Variants in NAF1 observed in about 807,000 individuals in gnomAD.
The protein encoded by NAF1 is H/ACA ribonucleoprotein complex non-core subunit NAF1.
Under a neutral mutation model 40.6 loss-of-function variants are expected in NAF1, and 11 were observed. That is an observed-to-expected ratio of 0.27 (90% CI 0.17 to 0.45). The LOEUF (loss-of-function observed/expected upper bound fraction) is 0.45. Among genes scored for constraint, NAF1 ranks in the 20% least tolerant of loss-of-function variants. NAF1 has a pLI of 1.00. For synonymous variants in NAF1, 260 were observed against 228.5 expected, an observed-to-expected ratio of 1.14 and a Z score of -1.24; for missense variants, 607 against 611.1, an observed-to-expected ratio of 0.99 and a Z score of 0.07.
At chr4:163,125,003 C>T (rs779713665), downstream of NAF1, among the ~76,000 whole-genome samples, 15 of 152,280 alleles carry the variant, frequency 9.9e-5, no homozygotes, top group East Asian at 1.9e-4. Flanking sequence ...TGTGTTATAG[C>T]GATCTCAATC....
intron 2 of NAF1, among the ~76,000 whole-genome samples, chr4:163,159,216 T>C (rs1007828740): frequency 1.1e-4 from 16 of 152,120 alleles, no homozygotes; most frequent in African/African-American, 3.9e-4. Flanking sequence ...GTAAGCTTTA[T>C]TGAAATATTC....
intron 2 of NAF1, among the ~76,000 whole-genome samples, chr4:163,161,186 A>C (rs1732203023): frequency 6.6e-6 from 1 of 152,164 alleles, no homozygotes; most frequent in African/African-American, 2.4e-5. Context: ...TAAAAAGATC[A>C]ATCTGTCCAG....
At chr4:163,104,773 A>G in the NAF1 span, among the ~76,000 whole-genome samples, 1 of 152,236 alleles carries the variant, frequency 6.6e-6, no homozygotes, top group Non-Finnish European at 1.5e-5. Context: ...CTGGCAAAGC[A>G]ATCTTTCCAC....
Position 163,129,069 on chromosome 4 carries a change from G to T in NAF1, c.1313C>A (p.Pro438His). The change falls in exon 8 of 8, where the codon CCT (proline) becomes CAT (histidine). Residue 438 changes from proline to histidine, a missense_variant. Pro to His is a moderately conservative substitution (Grantham distance 77). Coordinates refer to ENST00000274054, the MANE Select transcript of NAF1 (RefSeq NM_138386.3). Reference protein sequence around the residue: ...VFDMHNFPLRPPPPPPPPPVN... With the variant: ...VFDMHNFPLRHPPPPPPPPVN... The stretch of plus-strand genomic sequence containing the variant: ...AGGTGGGGGTGGTGGTGGGGGTGGA[G>T]GGCGGAGGGGAAAATTATGCATGTC... The T allele has an allele frequency of 3.2e-6, 5 of 1,543,692 alleles. No individual in the cohort carries two copies. The highest frequency in any genetic ancestry group is 4.4e-6 in the Non-Finnish European group (5 of 1,138,582).
intron 2 of NAF1, among the ~76,000 whole-genome samples, chr4:163,150,819 T>C (rs1212140485): frequency 6.6e-6 from 1 of 152,144 alleles, no homozygotes; most frequent in Admixed American, 6.5e-5. Context: ...ACATGCATAT[T>C]TAAAATTTTG....
At chr4:163,164,767 A>G (rs1255079921) in intron 1 of NAF1, among the ~76,000 whole-genome samples, 1 of 152,206 alleles carries the variant, frequency 6.6e-6, no homozygotes, top group Non-Finnish European at 1.5e-5. Context: ...CACCTCTCTT[A>G]GTCACAACCA....
chr4:163,127,756 G>A (rs563313882), downstream of NAF1, among the ~76,000 whole-genome samples: 1 of 152,328 alleles, frequency 6.6e-6, no homozygotes, highest in South Asian at 2.1e-4. Flanking sequence ...TCATGGGGAA[G>A]AAAAGTGGGG....
chr4:163,165,636 G>C (rs903810553), intron 1 of NAF1, among the ~76,000 whole-genome samples: 1 of 151,928 alleles, frequency 6.6e-6, no homozygotes, highest in African/African-American at 2.4e-5. Context: ...TCCTCAACAC[G>C]TGTCTATCTT....
At chr4:163,126,840 G>T (rs906860868), downstream of NAF1, 2 of 1,247,826 alleles carry the variant, frequency 1.6e-6, no homozygotes, top group South Asian at 1.7e-5. Context: ...ATTAGTCAGC[G>T]GCCAACAGCA....
At chr4:163,107,835 T>A (rs187271522), downstream of NAF1, among the ~76,000 whole-genome samples, 136 of 152,306 alleles carry the variant, frequency 8.9e-4, 2 homozygotes, top group African/African-American at 3.1e-3. Flanking sequence ...ACCCCAGATA[T>A]GCTGTATCTG....
chr4:163,146,108 C>T (rs549743423), intron 3 of NAF1, among the ~76,000 whole-genome samples: 10 of 152,208 alleles, frequency 6.6e-5, no homozygotes, highest in African/African-American at 2.2e-4. Context: ...AAATGCAAAT[C>T]CCACAGAAAA....
intron 6 of NAF1, among the ~76,000 whole-genome samples, chr4:163,134,514 A>G (rs998784601): frequency 1.3e-5 from 2 of 152,220 alleles, no homozygotes; most frequent in African/African-American, 2.4e-5. Context: ...TCTGAAAGAC[A>G]CTAGAAAGTA....
rs1350314144 is a variant in NAF1 at position 163,128,773 on chromosome 4, C to T, written c.*124G>A. 6.4e-6 allele frequency: 8 copies of T among 1,258,164 alleles called. No homozygotes were observed. Among genetic ancestry groups the T allele is most frequent in the Non-Finnish European group, 6.2e-6 (6 of 961,144 alleles). The allele number at this position is 1,258,164 out of a possible 1,614,324, so 77.9% of individuals were successfully genotyped here. On this transcript the variant is annotated 3_prime_UTR_variant, in exon 8 of 8. Transcript: ENST00000274054. ...GTTACAAATATATATCAACTTACAA[C>T]AGAAGGAATCATTTAGTATTTTACA...
intron 2 of NAF1, among the ~76,000 whole-genome samples, chr4:163,121,629 G>C (rs553108465): frequency 9.5e-4 from 144 of 152,276 alleles, no homozygotes; most frequent in African/African-American, 3.4e-3. Flanking sequence ...AATATTTTAT[G>C]AATGCATATT....
intron 6 of NAF1, among the ~76,000 whole-genome samples, chr4:163,136,598 C>CA (rs1268857983): frequency 6.6e-6 from 1 of 151,736 alleles, no homozygotes; most frequent in Non-Finnish European, 1.5e-5. Flanking sequence ...AACTTATTTA[C>CA]ATATTATTCC....
intron 4 of NAF1, among the ~76,000 whole-genome samples, chr4:163,143,380 CA>C (rs1237987019): frequency 6.6e-6 from 1 of 152,194 alleles, no homozygotes; most frequent in Non-Finnish European, 1.5e-5. Flanking sequence ...TGCAGTTCCC[CA>C]AATTCCATCC....
intron 2 of NAF1, among the ~76,000 whole-genome samples, chr4:163,155,083 G>A (rs1362001427): frequency 6.6e-6 from 1 of 152,148 alleles, no homozygotes; most frequent in Non-Finnish European, 1.5e-5. Flanking sequence ...GTCAGACAAG[G>A]TAATATAAGA....
chr4:163,165,607 G>T (rs1732420213), intron 1 of NAF1, among the ~76,000 whole-genome samples: 1 of 152,038 alleles, frequency 6.6e-6, no homozygotes, highest in Non-Finnish European at 1.5e-5. Flanking sequence ...TGACTTCCCT[G>T]AAAACTAAAC....
intron 6 of NAF1, chr4:163,133,561 TA>T: frequency 7.7e-6 from 2 of 259,088 alleles, no homozygotes. Flanking sequence ...AAGGTAAGAG[TA>T]TCAAGGACTA....
Sources: allele counts gnomAD v4.1 joint callset (sites outside exome capture counted in the v4.1 genomes callset), GRCh38; gene constraint gnomAD v4.1.1; transcripts MANE v1.5; gene names NCBI Gene and HGNC (gene_info 2026-07-23, HGNC 2026-07-21).